The following KASH5 variants were observed in gnomAD, a reference collection of about 807,000 sequenced individuals.
The protein encoded by KASH5 is protein KASH5.
KASH5 carries 72 observed loss-of-function variants against 84.2 expected under a neutral mutation model. The ratio of observed to expected loss-of-function variants is 0.85; its 90% CI spans 0.71 to 1.04. KASH5 has a LOEUF of 1.04. Ranked by LOEUF, KASH5 falls within the 50% of genes least tolerant of loss-of-function variation. KASH5 has a pLI of 0.00. For synonymous variants in KASH5, 260 were observed against 279.1 expected (o/e 0.93, Z 0.68); for missense variants, 650 against 701.0 (o/e 0.93, Z 0.82).
Position 49,417,497 on chromosome 19 carries a change from C to A in KASH5, c.1676C>A (p.Pro559His). The stretch of plus-strand genomic sequence containing the variant: ...CACCTCCAGCTCTGCTACCTCCAGC[C>A]CCCTCCAGTGTGAGAGGCTCTACTT... ...WPHLQLCYLQ[P>H]PPV The change falls in exon 20 of 20, where the codon CCC (proline) becomes CAC (histidine). Residue 559 changes from proline to histidine, a missense_variant. Pro to His is a moderately conservative substitution (Grantham distance 77). Coordinates refer to ENST00000447857, the MANE Select transcript of KASH5 (RefSeq NM_144688.5). This position sits in a 1 kb window ranked among gnomAD's most constrained non-coding sequence, Gnocchi z 5.2. 1 of 1,542,618 alleles carries A rather than the reference C, an allele frequency of 6.5e-7. No individual in the cohort carries two copies. The highest frequency in any genetic ancestry group is 8.8e-7 in the Non-Finnish European group (1 of 1,142,400).
Position 49,398,130 on chromosome 19 carries a change from A to G in KASH5, c.616A>G (p.Lys206Glu). ...RLGEEILALR[K>E]QLHSTQQALQ... ...TGGGGAGGAGATCTTGGCTCTGCGT[A>G]AGCAGCTTCACAGGTGGGCTGGATG... is the stretch of plus-strand genomic sequence containing the variant. The change falls in exon 7 of 20, where the codon AAG becomes GAG. Residue 206 changes from lysine to glutamate, a missense_variant. Transcript: ENST00000447857. 1.3e-6 allele frequency: 2 copies of G among 1,583,472 alleles called. No individual in the cohort carries two copies. Among genetic ancestry groups the G allele is most frequent in the South Asian group, 2.3e-5 (2 of 88,162 alleles).
chr19:49,397,853 C>A, intron 6 of KASH5, 129 bp from the exon 7 acceptor site: 2 of 1,419,154 alleles, frequency 1.4e-6, no homozygotes, highest in Non-Finnish European at 1.9e-6. Context: ...TCAGGGAGAG[C>A]AGAGGAGTCT....
At chr19:49,392,536 C>G (rs569271247) in intron 2 of KASH5, among the ~76,000 whole-genome samples, 2 of 152,260 alleles carry the variant, frequency 1.3e-5, no homozygotes, top group South Asian at 2.1e-4. Flanking sequence ...GAGTTCTATT[C>G]CCAGCTTAGC....
intron 16 of KASH5, among the ~76,000 whole-genome samples, chr19:49,413,577 T>C (rs921828022): frequency 1.3e-5 from 2 of 152,172 alleles, no homozygotes; most frequent in Admixed American, 6.5e-5. Context: ...AGGCCTCTAA[T>C]TGGACTTGTC....
intron 3 of KASH5, 45 bp downstream of exon 3, chr19:49,394,625 G>A (rs769190682): frequency 6.8e-7 from 1 of 1,478,234 alleles, no homozygotes; most frequent in Admixed American, 1.7e-5. Context: ...CGGGCAGGAT[G>A]GGGTGGAGGC....
chr19:49,402,331 C>T (rs1330616047), intron 9 of KASH5, among the ~76,000 whole-genome samples: 1 of 151,814 alleles, frequency 6.6e-6, no homozygotes, highest in Non-Finnish European at 1.5e-5. Flanking sequence ...GCAAGATTGC[C>T]TAGGCCAGGA....
Position 49,395,743 on chromosome 19 carries a change from C to T in KASH5, c.336-26C>T, listed in dbSNP as rs376938897. ...GGACTGAGGGGCAGCTACAGTGGGG[C>T]GCTAAGCCTCATCCCTTTGATACAG... On this transcript the variant is annotated intron_variant, in intron 4 of 19. Coordinates refer to ENST00000447857, the MANE Select transcript of KASH5 (RefSeq NM_144688.5). This position sits in a 1 kb window ranked among gnomAD's most constrained non-coding sequence, Gnocchi z 4.4. 7.7e-5 allele frequency: 120 copies of T among 1,549,812 alleles called. No individual in the cohort carries two copies. In the African/African-American group the frequency reaches 1.1e-3, roughly 14 times the overall value.
Position 49,412,380 on chromosome 19 carries a change from A to G in KASH5, c.1270-588A>G, listed in dbSNP as rs979186056. 2.0e-5 allele frequency among the ~76,000 whole-genome samples: 3 copies of G among 152,078 alleles called. No homozygotes were observed. The highest frequency in any genetic ancestry group is 7.2e-5 in the African/African-American group (3 of 41,384). On this transcript the variant is annotated intron_variant, in intron 15 of 19. Coordinates refer to ENST00000447857, the MANE Select transcript of KASH5 (RefSeq NM_144688.5). This position sits in a 1 kb window ranked among gnomAD's most constrained non-coding sequence, Gnocchi z 4.6. ...AGGGAGGAAAGGAGGCAAGACTTGG[A>G]ACTTGTGACCTTGTGAGGTGAAATC... is the stretch of plus-strand genomic sequence containing the variant.
At chr19:49,392,251 G>A (rs1205603640) in intron 2 of KASH5, among the ~76,000 whole-genome samples, 1 of 152,182 alleles carries the variant, frequency 6.6e-6, no homozygotes, top group Non-Finnish European at 1.5e-5. Flanking sequence ...TATGGGAAGG[G>A]AAGCACAGAG....
At chr19:49,391,926 G>A (rs940102823) in intron 2 of KASH5, 1 of 152,172 alleles carries the variant, frequency 6.6e-6, no homozygotes, top group Admixed American at 6.5e-5. Context: ...AGGCATCCAC[G>A]GCACAGCCTG....
At chr19:49,389,708 G>C (rs1205054815) in intron 1 of KASH5, 1 of 152,352 alleles carries the variant, frequency 6.6e-6, no homozygotes, top group African/African-American at 2.4e-5. Flanking sequence ...CCCAAGGGGC[G>C]CCCGTGCCCG....
chr19:49,401,881 GGCT>G (rs1974370740), intron 9 of KASH5, among the ~76,000 whole-genome samples: 1 of 152,188 alleles, frequency 6.6e-6, no homozygotes, highest in Admixed American at 6.5e-5. Flanking sequence ...ACAGCAGGAT[GGCT>G]GTACCATGTG....
At position 49,399,621 on chromosome 19, in the gene KASH5, T is replaced by A; in HGVS notation, c.798+114T>A. ...AGCCTGTCTTGGGGAGACCTCAGAATGTCAGTAGTGTGGGAATGTCCCTGA... is the reference window on the plus strand; with the variant it reads ...AGCCTGTCTTGGGGAGACCTCAGAAAGTCAGTAGTGTGGGAATGTCCCTGA... On this transcript the variant is annotated intron_variant, in intron 9 of 19. Transcript: ENST00000447857. The surrounding 1 kb of genome is among the most constrained non-coding windows in gnomAD (Gnocchi z 4.4). 1 of 1,540,744 alleles carries A rather than the reference T, an allele frequency of 6.5e-7. No homozygotes were observed. The highest frequency in any genetic ancestry group is 8.8e-7 in the Non-Finnish European group (1 of 1,140,830).
Position 49,407,602 on chromosome 19 carries a change from G to C in KASH5, c.934-10G>C, listed in dbSNP as rs568219666. The C allele has an allele frequency of 1.3e-6, 2 of 1,585,404 alleles. No homozygotes were observed. The highest frequency in any genetic ancestry group is 1.7e-6 in the Non-Finnish European group (2 of 1,166,232). On this transcript the variant is annotated splice_polypyrimidine_tract_variant and intron_variant, in intron 11 of 19. Transcript: ENST00000447857. ...TGGTCCCAGTCTCATTTGGCTTTCG[G>C]CTTTCCTAGCGCACTCGCGATGTGG...
chr19:49,396,290 T>C (rs1220642547), intron 5 of KASH5, among the ~76,000 whole-genome samples: 1 of 149,194 alleles, frequency 6.7e-6, no homozygotes, highest in African/African-American at 2.5e-5. Flanking sequence ...GTTTCACTCC[T>C]GTTGCCCAGG....
Position 49,395,393 on chromosome 19 carries a change from T to A in KASH5, c.335+101T>A. 1 of 1,284,988 alleles carries A rather than the reference T, an allele frequency of 7.8e-7. No individual in the cohort carries two copies. The highest frequency in any genetic ancestry group is 1.1e-6 in the Non-Finnish European group (1 of 913,910). 79.6% of individuals were successfully genotyped at this position (1,284,988 alleles called of 1,614,324 possible). Reference sequence around the variant, plus strand: ...GCATCCTTTAGGCCCAAGGACCTACTGTGTTTGGAATGAGGCTGTGGAGAG... The same window carrying A: ...GCATCCTTTAGGCCCAAGGACCTACAGTGTTTGGAATGAGGCTGTGGAGAG... On this transcript the variant is annotated intron_variant, in intron 4 of 19. Transcript: ENST00000447857. The surrounding 1 kb of genome is among the most constrained non-coding windows in gnomAD (Gnocchi z 4.4).
chr19:49,409,917 G>T, intron 15 of KASH5, 42 bp downstream of exon 15: 1 of 1,604,428 alleles, frequency 6.2e-7, no homozygotes, highest in Non-Finnish European at 8.5e-7. Context: ...GCTGGAAAGG[G>T]GCCAGGAGCT....
In KASH5 at chr19:49,416,426, T is replaced by C. The variant is rs1044521482; in HGVS notation, c.1375-589T>C. On this transcript the variant is annotated intron_variant, in intron 17 of 19. Coordinates refer to ENST00000447857, the MANE Select transcript of KASH5 (RefSeq NM_144688.5). This position sits in a 1 kb window ranked among gnomAD's most constrained non-coding sequence, Gnocchi z 5.4. ...CAGGTTGGTCTCCATGTCCTGACCTTGTGATCCGCCCGCTTCAGCCTCCCA... is the reference window on the plus strand; with the variant it reads ...CAGGTTGGTCTCCATGTCCTGACCTCGTGATCCGCCCGCTTCAGCCTCCCA... Among the ~76,000 whole-genome samples, 6 of 152,152 alleles carry C rather than the reference T, an allele frequency of 3.9e-5. No homozygotes were observed. Among genetic ancestry groups the C allele is most frequent in the Non-Finnish European group, 5.9e-5 (4 of 68,016 alleles).
chr19:49,408,066 C>T (rs1224650599), intron 12 of KASH5, among the ~76,000 whole-genome samples: 3 of 152,100 alleles, frequency 2.0e-5, no homozygotes, highest in Non-Finnish European at 4.4e-5. Flanking sequence ...CAGGTGCATG[C>T]CAGCATGCCC....
Sources: allele counts gnomAD v4.1 joint callset (sites outside exome capture counted in the v4.1 genomes callset), GRCh38; gene constraint gnomAD v4.1.1; non-coding constraint Gnocchi (gnomAD v3.1); transcripts MANE v1.5; gene names NCBI Gene and HGNC (gene_info 2026-07-23, HGNC 2026-07-21).